The following KCNQ3 variants were observed in gnomAD, a reference collection of about 807,000 sequenced individuals.
The protein encoded by KCNQ3 is potassium voltage-gated channel subfamily Q member 3, also known as potassium voltage-gated channel subfamily KQT member 3.
In KCNQ3, 30 loss-of-function variants were observed where a neutral mutation model predicts 92.5. The ratio of observed to expected loss-of-function variants is 0.32; its 90% CI spans 0.24 to 0.44. The LOEUF is 0.44. Among genes scored for constraint, KCNQ3 ranks in the 20% least tolerant of loss-of-function variants. KCNQ3 has a pLI of 1.00. For missense variants in KCNQ3, 913 were observed against 1,140.3 expected (o/e 0.80, Z 2.87); for synonymous variants, 450 against 468.8 (o/e 0.96, Z 0.52).
At chr8:132,154,193 G>GTCTTTTTTTTTTTTTTTTTTT in intron 9 of KCNQ3, among the ~76,000 whole-genome samples, 1 of 27,494 alleles carries the variant, frequency 3.6e-5, no homozygotes, top group African/African-American at 1.5e-4. Context: ...AAGGGTAAAA[G>GTCTTTTTTTTTTTTTTTTTTT]TTTTTTTTTT....
intron 1 of KCNQ3, among the ~76,000 whole-genome samples, chr8:132,450,307 T>C (rs905854231): frequency 6.6e-5 from 10 of 151,864 alleles, no homozygotes; most frequent in African/African-American, 2.4e-4. Flanking sequence ...AGCCACAGAG[T>C]GCTGATTGTG....
chr8:132,291,055 C>T (rs1816821966), intron 1 of KCNQ3, among the ~76,000 whole-genome samples: 1 of 152,122 alleles, frequency 6.6e-6, no homozygotes, highest in African/African-American at 2.4e-5. Flanking sequence ...GGAAACTGTC[C>T]ACTGGATTTA....
At chr8:132,288,994 C>A (rs1209303730) in intron 1 of KCNQ3, among the ~76,000 whole-genome samples, 3 of 152,180 alleles carry the variant, frequency 2.0e-5, no homozygotes, top group African/African-American at 7.2e-5. Flanking sequence ...GTAGGAGTTC[C>A]AAGTGGCAGA....
intron 9 of KCNQ3, among the ~76,000 whole-genome samples, chr8:132,143,005 C>G (rs893692087): frequency 6.6e-6 from 1 of 152,104 alleles, no homozygotes; most frequent in Non-Finnish European, 1.5e-5. Context: ...TGCCTACAGT[C>G]CAGCATACGG....
In KCNQ3 at chr8:132,164,579, C is replaced by T. The variant is rs543329392; in HGVS notation, c.1236-1085G>A. Among the ~76,000 whole-genome samples, 182 of 152,188 alleles carry T rather than the reference C, an allele frequency of 1.2e-3. 2 individuals carry two copies. Among genetic ancestry groups the T allele is most frequent in the South Asian group, 9.8e-3 (47 of 4,812 alleles). On this transcript the variant is annotated intron_variant, in intron 8 of 14. Coordinates refer to ENST00000388996, the MANE Select transcript of KCNQ3 (RefSeq NM_004519.4). ...GGCCATACATTCTCTGGGCCCATTT[C>T]CCCGCGAGCACAATAAAGTGATGAG...
intron 1 of KCNQ3, among the ~76,000 whole-genome samples, chr8:132,333,136 T>C (rs567075473): frequency 6.6e-6 from 1 of 152,300 alleles, no homozygotes; most frequent in East Asian, 1.9e-4. Context: ...AGTGCTATCC[T>C]TCTGGGTATG....
At position 132,473,086 on chromosome 8, in the gene KCNQ3, A is replaced by G. The variant is rs149577029; in HGVS notation, c.386+7061T>C. Among the ~76,000 whole-genome samples the G allele has an allele frequency of 4.8e-3, 731 of 152,302 alleles. 1 individual carries two copies. Among genetic ancestry groups the G allele is most frequent in the Non-Finnish European group, 8.1e-3 (548 of 68,014 alleles). Reference sequence around the variant, plus strand: ...TCTTACTGCTGAATAAAGAATGACAACTTATCAAAATCCTTGCTTCTCAAA... The same window carrying G: ...TCTTACTGCTGAATAAAGAATGACAGCTTATCAAAATCCTTGCTTCTCAAA... On this transcript the variant is annotated intron_variant, in intron 1 of 14. Coordinates refer to ENST00000388996, the MANE Select transcript of KCNQ3 (RefSeq NM_004519.4).
chr8:132,349,139 T>C (rs1818785003), intron 1 of KCNQ3, among the ~76,000 whole-genome samples: 1 of 152,098 alleles, frequency 6.6e-6, no homozygotes, highest in Non-Finnish European at 1.5e-5. Context: ...GTAATGCAGA[T>C]TGTCAGAGCT....
At chr8:132,162,936 A>G (rs1334619529) in intron 9 of KCNQ3, among the ~76,000 whole-genome samples, 1 of 152,174 alleles carries the variant, frequency 6.6e-6, no homozygotes, top group Non-Finnish European at 1.5e-5. Flanking sequence ...AATGGTTTCT[A>G]CATGTCATAT....
chr8:132,462,726 C>T (rs1422175626), intron 1 of KCNQ3, among the ~76,000 whole-genome samples: 2 of 152,126 alleles, frequency 1.3e-5, no homozygotes, highest in African/African-American at 4.8e-5. Context: ...AAAACAGGGG[C>T]CAATTATACA....
intron 1 of KCNQ3, among the ~76,000 whole-genome samples, chr8:132,308,138 G>A (rs931055430): frequency 4.6e-5 from 7 of 152,136 alleles, no homozygotes; most frequent in South Asian, 4.1e-4. Context: ...CGGGGCTCAC[G>A]GCAGAAGCCT....
chr8:132,463,494 ATC>A (rs1822106462), intron 1 of KCNQ3, among the ~76,000 whole-genome samples: 1 of 152,308 alleles, frequency 6.6e-6, no homozygotes, highest in South Asian at 2.1e-4. Flanking sequence ...AACTCTCTAG[ATC>A]TCTTTTTCCC....
At chr8:132,368,674 A>G (rs1819389570) in intron 1 of KCNQ3, among the ~76,000 whole-genome samples, 1 of 152,180 alleles carries the variant, frequency 6.6e-6, no homozygotes, top group Non-Finnish European at 1.5e-5. Flanking sequence ...AAAGAAAAGA[A>G]AAATATTTTA....
chr8:132,220,998 G>T (rs1323906881), intron 1 of KCNQ3, among the ~76,000 whole-genome samples: 1 of 152,016 alleles, frequency 6.6e-6, no homozygotes, highest in South Asian at 2.1e-4. Context: ...CCCGGGGTGT[G>T]ATGCTCCCCA....
intron 1 of KCNQ3, among the ~76,000 whole-genome samples, chr8:132,218,937 C>T (rs1224617584): frequency 6.6e-6 from 1 of 152,158 alleles, no homozygotes; most frequent in Non-Finnish European, 1.5e-5. Flanking sequence ...TGCTTTGTTA[C>T]TGTTTTTCAC....
At chr8:132,418,749 G>A (rs552299334) in intron 1 of KCNQ3, among the ~76,000 whole-genome samples, 14 of 152,128 alleles carry the variant, frequency 9.2e-5, no homozygotes, top group East Asian at 5.8e-4. Flanking sequence ...CCATGCCACC[G>A]GACTCCAGTT....
chr8:132,364,706 T>C (rs552976867), intron 1 of KCNQ3, among the ~76,000 whole-genome samples: 1 of 151,526 alleles, frequency 6.6e-6, no homozygotes, highest in Non-Finnish European at 1.5e-5. Context: ...GATGGATGGA[T>C]GGATGGATGG....
chr8:132,347,510 T>C (rs1410273247), intron 1 of KCNQ3, among the ~76,000 whole-genome samples: 2 of 152,152 alleles, frequency 1.3e-5, no homozygotes, highest in African/African-American at 2.4e-5. Context: ...TATAAATACT[T>C]AAGACAATAC....
rs143147587 is a variant in KCNQ3, at chr8:132,325,970, G to A, written c.387-139789C>T. ...AAGAACAAACTTTCCTTCGTATGTC[G>A]AATGTAAAAGGGACAATATTTGTTG... On this transcript the variant is annotated intron_variant, in intron 1 of 14. Coordinates refer to ENST00000388996, the MANE Select transcript of KCNQ3 (RefSeq NM_004519.4). Among the ~76,000 whole-genome samples, 546 of 152,288 alleles carry A rather than the reference G, an allele frequency of 3.6e-3. 3 individuals are homozygous for A. The highest frequency in any genetic ancestry group is 0.012 in the African/African-American group (506 of 41,554).
Sources: allele counts gnomAD v4.1 joint callset (sites outside exome capture counted in the v4.1 genomes callset), GRCh38; gene constraint gnomAD v4.1.1; transcripts MANE v1.5; gene names NCBI Gene and HGNC (gene_info 2026-07-23, HGNC 2026-07-21).